Variants in SLC2A3 observed in about 807,000 individuals in gnomAD.
The protein encoded by SLC2A3 is solute carrier family 2, facilitated glucose transporter member 3.
Under a neutral mutation model 46.4 loss-of-function variants are expected in SLC2A3, and 21 were observed. The ratio of observed to expected loss-of-function variants is 0.45; its 90% CI spans 0.32 to 0.65. The LOEUF (loss-of-function observed/expected upper bound fraction) is 0.65, where lower values mean the gene tolerates loss of function less well. SLC2A3 is among the 30% of genes least tolerant of loss of function. SLC2A3 has a pLI of 0.04. For missense variants in SLC2A3, 499 were observed against 623.3 expected, an observed-to-expected ratio of 0.80 and a Z score of 2.12; for synonymous variants, 213 against 239.4, an observed-to-expected ratio of 0.89 and a Z score of 1.02.
intron 6 of SLC2A3, 43 bp from the exon 7 acceptor site, chr12:7,925,991 A>G (rs1946091307): frequency 1.3e-6 from 2 of 1,493,128 alleles, no homozygotes; most frequent in Non-Finnish European, 1.9e-6. Context: ...AATTCTGCAC[A>G]CCAGTTACAC....
chr12:7,927,099 G>A (rs901473907), intron 6 of SLC2A3, among the ~76,000 whole-genome samples: 10 of 152,048 alleles, frequency 6.6e-5, no homozygotes, highest in African/African-American at 2.2e-4. Flanking sequence ...ACCTTCTCAC[G>A]AAACAACTCT....
intron 6 of SLC2A3, among the ~76,000 whole-genome samples, chr12:7,929,091 CAAAATAGT>C (rs1016832951): frequency 2.6e-5 from 4 of 151,982 alleles, no homozygotes; most frequent in Non-Finnish European, 5.9e-5. Context: ...TCAAAATGCT[CAAAATAGT>C]AAGTTTTGCA....
chr12:7,935,935 T>C, intron 1 of SLC2A3, 85 bp downstream of exon 1: 1 of 1,162,578 alleles, frequency 8.6e-7, no homozygotes, highest in African/African-American at 1.5e-5. Context: ...TAGGAGAAAA[T>C]AGAACAAGGA....
chr12:7,934,912 T>C (rs1295997013), intron 1 of SLC2A3, among the ~76,000 whole-genome samples: 1 of 152,174 alleles, frequency 6.6e-6, no homozygotes, highest in Non-Finnish European at 1.5e-5. Context: ...CTCTTCTGTC[T>C]CCTCTCATCA....
rs770289775 is a variant in SLC2A3 at position 7,921,619 on chromosome 12, C to G, written c.1285G>C (p.Ala429Pro). 2 of 1,613,680 alleles carry G rather than the reference C, an allele frequency of 1.2e-6. No individual in the cohort carries two copies. The highest frequency in any genetic ancestry group is 3.3e-5 in the Admixed American group (2 of 59,972). ...LFPSAAHYLG[A>P]YVFIIFTGFL... ...CCGGTGAAGATAATAAAAACGTAGG[C>G]TCCTAAATAGTGCTAGAGAAAGGAC... Residue 429 changes from alanine (A) to proline (P), a missense_variant, in exon 10 of 10, where the codon GCC (alanine) becomes CCC (proline). By Grantham distance (27) the Ala-to-Pro change is conservative. This residue lies in a region of SLC2A3 where 179 missense variants were observed against 205.1 expected (regional missense o/e 0.87). Transcript: ENST00000075120.
rs1458507209 is a variant in SLC2A3 at position 7,920,731 on chromosome 12, ATCT to A, written c.*679_*681del. On this transcript the variant is annotated 3_prime_UTR_variant, in exon 10 of 10. Transcript: ENST00000075120. ...TGCACCTTAACCTCTCCAGCATCAA[ATCT>A]TCTACTCTATAACCTCTCTTTAAAC... 6.5e-6 allele frequency: 1 copy of A among 153,024 alleles called. No individual in the cohort carries two copies. The highest frequency in any genetic ancestry group is 1.5e-5 in the Non-Finnish European group (1 of 68,670). 9.5% of individuals were successfully genotyped at this position (153,024 alleles called of 1,614,324 possible). A position where few individuals can be genotyped will look rare whatever the true frequency, so the allele number is the denominator to read the frequency against.
intron 7 of SLC2A3, among the ~76,000 whole-genome samples, chr12:7,925,001 A>G (rs1946079658): frequency 6.6e-6 from 1 of 152,306 alleles, no homozygotes; most frequent in African/African-American, 2.4e-5. Flanking sequence ...TTAAGTCTGC[A>G]TAAAAGGCCC....
chr12:7,931,115 A>G (rs1946151135), intron 4 of SLC2A3, 130 bp downstream of exon 4: 2 of 1,450,916 alleles, frequency 1.4e-6, no homozygotes, highest in Non-Finnish European at 9.3e-7. Flanking sequence ...TTCTTCAGCT[A>G]CTATCTATTA....
At chr12:7,926,644 G>A (rs2121187894) in intron 6 of SLC2A3, among the ~76,000 whole-genome samples, 1 of 152,252 alleles carries the variant, frequency 6.6e-6, no homozygotes, top group Non-Finnish European at 1.5e-5. Flanking sequence ...GGGATTATAG[G>A]CATGTGCCAT....
intron 6 of SLC2A3, among the ~76,000 whole-genome samples, chr12:7,927,615 GATTT>G (rs1946109018): frequency 6.6e-6 from 1 of 151,878 alleles, no homozygotes; most frequent in Non-Finnish European, 1.5e-5. Flanking sequence ...CTGTGCATCA[GATTT>G]ATTTTTTTAC....
chr12:7,935,099 G>A (rs1565605804), intron 1 of SLC2A3, among the ~76,000 whole-genome samples: 1 of 151,556 alleles, frequency 6.6e-6, no homozygotes, highest in South Asian at 2.1e-4. Flanking sequence ...CAAATGCTGG[G>A]GTTATAGGTG....
At chr12:7,929,171 G>T (rs1946125842) in intron 6 of SLC2A3, among the ~76,000 whole-genome samples, 1 of 151,972 alleles carries the variant, frequency 6.6e-6, no homozygotes, top group African/African-American at 2.4e-5. Flanking sequence ...AACCCTTAGG[G>T]GATGAATCAG....
At position 7,922,989 on chromosome 12, in the gene SLC2A3, C is replaced by T; in HGVS notation, c.1104G>A (p.Gly368=). 1.9e-6 allele frequency: 3 copies of T among 1,613,926 alleles called. No homozygotes were observed. The highest frequency in any genetic ancestry group is 2.2e-5 in the East Asian group (1 of 44,874). Residue 368 remains glycine (G), a synonymous_variant, in exon 9 of 10, where the codon GGG becomes GGA. Transcript: ENST00000075120. ...AGAAGGCTACAAAGACCAAGATAGC[C>T]CCAATACAGACAAAGCTCATCCCAT... is the stretch of plus-strand genomic sequence containing the variant. The part of the protein sequence containing the change: ...NYNGMSFVCI[G]AILVFVAFFE...
intron 7 of SLC2A3, 61 bp downstream of exon 7, chr12:7,925,783 T>C (rs1410065306): frequency 3.1e-6 from 4 of 1,309,816 alleles, no homozygotes; most frequent in Non-Finnish European, 4.4e-6. Flanking sequence ...GCAATCCATC[T>C]TTGAACATCT....
At chr12:7,921,774 T>G (rs1946038749) in intron 9 of SLC2A3, 143 bp from the exon 10 acceptor site, 3 of 924,186 alleles carry the variant, frequency 3.2e-6, no homozygotes, top group Non-Finnish European at 1.6e-6. Flanking sequence ...CAGATTCGCT[T>G]ATGATTCCAT....
In SLC2A3 at chr12:7,936,031, C is replaced by G. The variant is rs1162391681; in HGVS notation, c.4G>C (p.Gly2Arg). Residue 2 changes from glycine to arginine, a missense_variant, in exon 1 of 10, where the codon GGG becomes CGG. Gly to Arg is a moderately radical substitution (Grantham distance 125). Transcript: ENST00000075120. ...TATATCATTCTTACCTTCTGTGTCC[C>G]CATCGCTGTAATCTAATTCAAGTCT... M[G>R]TQKVTPALIF... 1 of 1,607,296 alleles carries G rather than the reference C, an allele frequency of 6.2e-7. No individual in the cohort carries two copies. The highest frequency in any genetic ancestry group is 1.7e-5 in the Admixed American group (1 of 59,970).
chr12:7,931,597 T>TA, intron 3 of SLC2A3, 112 bp from the exon 4 acceptor site: 2 of 1,444,832 alleles, frequency 1.4e-6, no homozygotes, highest in Non-Finnish European at 1.9e-6. Context: ...CTTTTTTTTT[T>TA]AATCTAACTT....
At position 7,928,291 on chromosome 12, in the gene SLC2A3, G is replaced by A. The variant is rs572993880; in HGVS notation, c.861+1393C>T. 1.9e-3 allele frequency among the ~76,000 whole-genome samples: 294 copies of A among 152,070 alleles called. 3 individuals are homozygous for A. The highest frequency in any genetic ancestry group is 2.4e-3 in the Non-Finnish European group (161 of 67,966). Reference sequence around the variant, plus strand: ...CACACGCCTGTAGTCCCAGCTACTCGGGAGGCTGAGGCAGGAGAATCGCTT... The same window carrying A: ...CACACGCCTGTAGTCCCAGCTACTCAGGAGGCTGAGGCAGGAGAATCGCTT... On this transcript the variant is annotated intron_variant, in intron 6 of 9. Coordinates refer to ENST00000075120, the MANE Select transcript of SLC2A3 (RefSeq NM_006931.3).
Position 7,930,636 on chromosome 12 carries a change from C to T in SLC2A3, c.517G>A (p.Gly173Ser). 6.2e-7 allele frequency: 1 copy of T among 1,612,470 alleles called. No homozygotes were observed. Among genetic ancestry groups the T allele is most frequent in the Non-Finnish European group, 8.5e-7 (1 of 1,179,310 alleles). Residue 173 changes from glycine (G) to serine (S), a missense_variant, in exon 5 of 10, where the codon GGT (glycine) becomes AGT (serine). By Grantham distance (56) the Gly-to-Ser change is moderately conservative (BLOSUM62 0). Transcript: ENST00000075120. ...VVGILVAQIF[G>S]LEFILGSEEL... ...TCAGACCCAAGGATGAATTCCAGAC[C>T]AAAGATCTAGAAACCACACAAAGAT...
Sources: gnomAD v4.1 joint callset for allele counts (sites outside exome capture counted in the v4.1 genomes callset) on GRCh38, gnomAD v4.1.1 for gene constraint, gnomAD v4.1.1 regional missense constraint, MANE v1.5 for transcripts, NCBI Gene and HGNC (gene_info 2026-07-23, HGNC 2026-07-21) for gene names.